The following DBN1 variants were observed in gnomAD, a reference collection of about 807,000 sequenced individuals.
DBN1 encodes drebrin 1, also known as drebrin.
Under a neutral mutation model 83.5 loss-of-function variants are expected in DBN1, and 21 were observed. The ratio of observed to expected loss-of-function variants is 0.25; its 90% CI spans 0.18 to 0.36. The LOEUF (loss-of-function observed/expected upper bound fraction) is 0.36. Ranked by LOEUF, DBN1 falls within the 10% of genes least tolerant of loss-of-function variation. DBN1 has a pLI of 1.00. For synonymous variants in DBN1, 381 were observed against 384.9 expected, an observed-to-expected ratio of 0.99 and a Z score of 0.12; for missense variants, 874 against 935.7, an observed-to-expected ratio of 0.93 and a Z score of 0.86.
chr5:177,468,521 C>CAG (rs1350153313), intron 2 of DBN1: 2 of 479,994 alleles, frequency 4.2e-6, no homozygotes, highest in African/African-American at 3.8e-5. Flanking sequence ...TGCCAGTGCC[C>CAG]AGAGGCACAA....
At chr5:177,464,526 G>A (rs1201713809) in intron 8 of DBN1, among the ~76,000 whole-genome samples, 4 of 151,960 alleles carry the variant, frequency 2.6e-5, no homozygotes, top group East Asian at 3.9e-4. Context: ...TTGGGAGGCC[G>A]AGGAGGGCAG....
intron 1 of DBN1, chr5:177,472,333 CAAG>C: frequency 4.0e-6 from 6 of 1,513,996 alleles, no homozygotes; most frequent in East Asian, 2.6e-5. Context: ...TCAGTTTCCT[CAAG>C]AAGAACCTGT....
intron 8 of DBN1, chr5:177,462,530 C>T: frequency 2.4e-6 from 1 of 409,946 alleles, no homozygotes; most frequent in South Asian, 9.9e-5. Context: ...CACCTCCCCC[C>T]TCCGCTGTGA....
intron 8 of DBN1, among the ~76,000 whole-genome samples, chr5:177,463,844 C>T (rs1368737366): frequency 1.3e-5 from 2 of 152,174 alleles, no homozygotes; most frequent in Non-Finnish European, 2.9e-5. Context: ...AAAAAATAAA[C>T]TTTATCAGGG....
chr5:177,457,723 T>C lies in DBN1; in HGVS notation c.1949A>G (p.Glu650Gly). The C allele has an allele frequency of 6.2e-7, 1 of 1,612,622 alleles. No individual in the cohort carries two copies. Among genetic ancestry groups the C allele is most frequent in the Non-Finnish European group, 8.5e-7 (1 of 1,178,764 alleles). ...SEGYFSQSQEEEFAQSEELCA... is the reference protein window; with the variant it reads ...SEGYFSQSQEGEFAQSEELCA... ...GAGCTCTTCCGATTGGGCAAACTCC[T>C]CCTCCTGTGATTGACTGAAGTACCC... Residue 650 changes from glutamate to glycine, a missense_variant, in exon 14 of 15, where the codon GAG becomes GGG. By Grantham distance (98) the Glu-to-Gly change is moderately conservative. This residue lies in a region of DBN1 where 725 missense variants were observed against 719.7 expected (regional missense o/e 1.01). Transcript: ENST00000393565.
In DBN1 at chr5:177,460,412, G is replaced by C. The variant is rs758343611; in HGVS notation, c.955+20C>G. ...CAACCTGAGGAGTGGGGCCGGACGG[G>C]GGGTGGGGCCTAGGACTACCTGGTC... On this transcript the variant is annotated intron_variant, in intron 10 of 14. Coordinates refer to ENST00000393565, the MANE Select transcript of DBN1 (RefSeq NM_001363541.2). 38 of 1,612,820 alleles carry C rather than the reference G, an allele frequency of 2.4e-5. No homozygotes were observed. The East Asian group carries it at 2.9e-4, about 12-fold the overall frequency.
In DBN1 at chr5:177,467,168, G is replaced by A; in HGVS notation, c.555+87C>T. 2 of 1,606,290 alleles carry A rather than the reference G, an allele frequency of 1.2e-6. No individual in the cohort carries two copies. The highest frequency in any genetic ancestry group is 1.7e-6 in the Non-Finnish European group (2 of 1,173,740). ...CGCTGGGGGCGGGGCACGTGGCATG[G>A]GCCATGCCACTGCAGTGAGGGACTC... On this transcript the variant is annotated intron_variant, in intron 6 of 14. Transcript: ENST00000393565. This position sits in a 1 kb window ranked among gnomAD's most constrained non-coding sequence, Gnocchi z 9.1.
Position 177,459,153 on chromosome 5 carries a change from A to G in DBN1, c.1209T>C (p.Asp403=), listed in dbSNP as rs1167734657. The change falls in exon 12 of 15, where the codon GAT becomes GAC. Residue 403 remains aspartate, a synonymous_variant. Coordinates refer to ENST00000393565, the MANE Select transcript of DBN1 (RefSeq NM_001363541.2). ...GTGGAGGCTGCGAGGAGGTGACCTCATCCAGGGCCCGCTCTATCTGCTCAG... is the reference window on the plus strand; with the variant it reads ...GTGGAGGCTGCGAGGAGGTGACCTCGTCCAGGGCCCGCTCTATCTGCTCAG... ...PVAEQIERAL[D]EVTSSQPPPL... The G allele has an allele frequency of 1.9e-6, 3 of 1,611,012 alleles. No individual in the cohort carries two copies. Among genetic ancestry groups the G allele is most frequent in the Non-Finnish European group, 2.5e-6 (3 of 1,178,676 alleles).
Position 177,472,283 on chromosome 5 carries a change from A to C in DBN1, c.86+1153T>G, listed in dbSNP as rs554401383. The C allele has an allele frequency of 1.4e-4, 228 of 1,597,796 alleles. 1 individual carries two copies. The highest frequency in any genetic ancestry group is 7.3e-5 in the Non-Finnish European group (86 of 1,172,910). On this transcript the variant is annotated intron_variant, in intron 1 of 14. Coordinates refer to ENST00000393565, the MANE Select transcript of DBN1 (RefSeq NM_001363541.2). ...GCCCTCCCAGTGTGCGGGTGAGGCC[A>C]GCCCAAGCGGGGTCCCTCAGACCTG...
rs1757493165 is a variant in DBN1 at position 177,467,022 on chromosome 5, G to A, written c.596C>T (p.Ala199Val). 4 of 1,613,768 alleles carry A rather than the reference G, an allele frequency of 2.5e-6. No homozygotes were observed. Among genetic ancestry groups the A allele is most frequent in the Non-Finnish European group, 3.4e-6 (4 of 1,179,950 alleles). The change falls in exon 7 of 15, where the codon GCC (alanine) becomes GTC (valine). Residue 199 changes from alanine (A) to valine (V), a missense_variant. By Grantham distance (64) the Ala-to-Val change is moderately conservative. Around this residue, in one of 4 missense-constraint regions of DBN1, gnomAD observed 725 missense variants for 719.7 expected, o/e 1.01. Transcript: ENST00000393565. This position sits in a 1 kb window ranked among gnomAD's most constrained non-coding sequence, Gnocchi z 9.1. ...ELRKEEERKKALDERLRFEQE... is the reference protein window; with the variant it reads ...ELRKEEERKKVLDERLRFEQE... ...CTCGAACCTGAGCCTCTCATCCAGG[G>A]CCTTCTTCCGCTCCTCCTCCTTCCG...
At chr5:177,462,909 G>A (rs1318084075) in intron 8 of DBN1, among the ~76,000 whole-genome samples, 1 of 152,124 alleles carries the variant, frequency 6.6e-6, no homozygotes, top group Non-Finnish European at 1.5e-5. Flanking sequence ...CGGGGTTCCA[G>A]TCAGCCTAGG....
rs371358974 is a variant in DBN1 at position 177,468,804 on chromosome 5, G to C, written c.142+40C>G. The C allele has an allele frequency of 1.6e-5, 21 of 1,293,588 alleles. No homozygotes were observed. In the East Asian group the frequency reaches 5.9e-4, roughly 36 times the overall value. 80.1% of individuals were successfully genotyped at this position (1,293,588 alleles called of 1,614,324 possible). A position where few individuals can be genotyped will look rare whatever the true frequency, so the allele number is the denominator to read the frequency against. ...TGGGGAAGAAAACAACCAGGAGGAG[G>C]GGGTGGAGAAGGCGGCGAGGGAATG... is the stretch of plus-strand genomic sequence containing the variant. On this transcript the variant is annotated intron_variant, in intron 2 of 14. Coordinates refer to ENST00000393565, the MANE Select transcript of DBN1 (RefSeq NM_001363541.2).
At chr5:177,472,974 C>A (rs1282395280) in intron 1 of DBN1, 5 of 405,854 alleles carry the variant, frequency 1.2e-5, no homozygotes, top group Non-Finnish European at 1.7e-5. Flanking sequence ...GTGCTGTGGC[C>A]GGGCCGGGCT....
chr5:177,458,597 C>T lies in DBN1; in HGVS notation c.1375G>A (p.Gly459Arg). The T allele has an allele frequency of 6.2e-7, 1 of 1,612,948 alleles. No homozygotes were observed. ...EPPQAQAPPR[G>R]PGSPAEDLMF... The stretch of plus-strand genomic sequence containing the variant: ...AAGTCCTCTGCAGGGCTGCCTGGCC[C>T]CCGGGGAGGCGCCTGTGCCTGAGGG... Residue 459 changes from glycine (G) to arginine (R), a missense_variant, in exon 13 of 15, where the codon GGG becomes AGG. Around this residue, in one of 4 missense-constraint regions of DBN1, gnomAD observed 725 missense variants for 719.7 expected, o/e 1.01. Coordinates refer to ENST00000393565, the MANE Select transcript of DBN1 (RefSeq NM_001363541.2).
At chr5:177,470,044 G>A (rs1371618455) in intron 1 of DBN1, among the ~76,000 whole-genome samples, 3 of 152,226 alleles carry the variant, frequency 2.0e-5, no homozygotes, top group Non-Finnish European at 4.4e-5. Context: ...GGAAATGAAG[G>A]CGGGAGGGAT....
At chr5:177,464,008 G>A (rs1333041974) in intron 8 of DBN1, among the ~76,000 whole-genome samples, 4 of 150,852 alleles carry the variant, frequency 2.7e-5, no homozygotes, top group East Asian at 2.0e-4. Flanking sequence ...CCAGCTACTT[G>A]GGAGGCTGAG....
rs1757489026 is a variant in DBN1 at position 177,466,974 on chromosome 5, C to T, written c.644G>A (p.Arg215Gln). The change falls in exon 7 of 15, where the codon CGG (arginine) becomes CAG (glutamine). Residue 215 changes from arginine to glutamine, a missense_variant. Coordinates refer to ENST00000393565, the MANE Select transcript of DBN1 (RefSeq NM_001363541.2). This position sits in a 1 kb window ranked among gnomAD's most constrained non-coding sequence, Gnocchi z 4.8. ...RFEQERMEQE[R>Q]QEQEERERRY... ...CCGCTCGCGCTCCTCTTGCTCCTGC[C>T]GCTCCTGCTCCATCCGCTCCTGCTC... 5 of 1,613,158 alleles carry T rather than the reference C, an allele frequency of 3.1e-6. No homozygotes were observed. Among genetic ancestry groups the T allele is most frequent in the African/African-American group, 1.3e-5 (1 of 75,036 alleles).
chr5:177,473,483 C>T lies in DBN1; in HGVS notation c.39G>A (p.Leu13=). Residue 13 remains leucine (L), a synonymous_variant, in exon 1 of 15, where the codon CTG becomes CTA. Transcript: ENST00000393565. ...GGATCACCTCCTCGTAAGCCGCCAGCAGCTCCAGGCGGTGGCCGCTGAAGC... is the reference window on the plus strand; with the variant it reads ...GGATCACCTCCTCGTAAGCCGCCAGTAGCTCCAGGCGGTGGCCGCTGAAGC... ...GVSFSGHRLE[L]LAAYEEVIRE... 3 of 1,435,996 alleles carry T rather than the reference C, an allele frequency of 2.1e-6. No homozygotes were observed. Among genetic ancestry groups the T allele is most frequent in the South Asian group, 2.7e-5 (2 of 73,858 alleles). The allele number at this position is 1,435,996 out of a possible 1,614,324, so 89.0% of individuals were successfully genotyped here.
rs114504125 is a variant in DBN1 at position 177,459,020 on chromosome 5, C to T, written c.1264+78G>A. The T allele has an allele frequency of 4.1e-5, 63 of 1,533,852 alleles. No individual in the cohort carries two copies. The African/African-American group carries it at 6.7e-4, about 16-fold the overall frequency. Reference sequence around the variant, plus strand: ...ATGGGTGGCCCAGATCCCTGGAGAACGGTTACCATGGCAACCTGGGGCTCC... The same window carrying T: ...ATGGGTGGCCCAGATCCCTGGAGAATGGTTACCATGGCAACCTGGGGCTCC... On this transcript the variant is annotated intron_variant, in intron 12 of 14. Coordinates refer to ENST00000393565, the MANE Select transcript of DBN1 (RefSeq NM_001363541.2).
Sources: allele counts gnomAD v4.1 joint callset (sites outside exome capture counted in the v4.1 genomes callset), GRCh38; gene constraint gnomAD v4.1.1; regional missense constraint gnomAD v4.1.1; non-coding constraint Gnocchi (gnomAD v3.1); transcripts MANE v1.5; gene names NCBI Gene and HGNC (gene_info 2026-07-23, HGNC 2026-07-21).